The following HECW1 variants were observed in gnomAD, a reference collection of about 807,000 sequenced individuals.
The protein encoded by HECW1 is HECT, C2 and WW domain containing E3 ubiquitin protein ligase 1.
Under a neutral mutation model 182.3 loss-of-function variants are expected in HECW1, and 61 were observed. The observed-to-expected ratio is 0.33, with a 90% confidence interval of 0.27 to 0.41. The LOEUF (loss-of-function observed/expected upper bound fraction) is 0.41. HECW1 is among the 10% of genes least tolerant of loss of function. The probability of loss-of-function intolerance (pLI) is 1.00; values close to 1 mark genes in which losing one functional copy is unlikely to be tolerated. For missense variants in HECW1, 1,739 were observed against 2,108.9 expected (o/e 0.82, Z 3.44); for synonymous variants, 859 against 832.6 (o/e 1.03, Z -0.55).
chr7:43,174,852 T>A (rs1436804025), intron 2 of HECW1, among the ~76,000 whole-genome samples: 1 of 152,204 alleles, frequency 6.6e-6, no homozygotes, highest in Non-Finnish European at 1.5e-5. Context: ...TAGTTGACAT[T>A]TTGCTGTGCC....
intron 5 of HECW1, among the ~76,000 whole-genome samples, chr7:43,357,316 A>C (rs1332334721): frequency 1.3e-5 from 2 of 152,232 alleles, no homozygotes; most frequent in East Asian, 1.9e-4. Flanking sequence ...AAAATATGGA[A>C]TCAATCTAAG....
chr7:43,349,851 G>T (rs988661657), intron 5 of HECW1, among the ~76,000 whole-genome samples: 4 of 152,220 alleles, frequency 2.6e-5, no homozygotes, highest in Non-Finnish European at 5.9e-5. Flanking sequence ...TACATTCAAT[G>T]TAAGTATCGA....
At chr7:43,329,719 G>A (rs537642695) in intron 5 of HECW1, among the ~76,000 whole-genome samples, 2 of 152,242 alleles carry the variant, frequency 1.3e-5, no homozygotes, top group African/African-American at 4.8e-5. Flanking sequence ...CGGACACGGC[G>A]TGCTAAGGAG....
intron 2 of HECW1, among the ~76,000 whole-genome samples, chr7:43,150,452 C>T (rs570545375): frequency 5.9e-5 from 9 of 152,108 alleles, no homozygotes; most frequent in East Asian, 1.9e-4. Flanking sequence ...AATGTCAGCT[C>T]GGTGCAACCT....
At chr7:43,437,131 C>T (rs2076737716) in intron 8 of HECW1, among the ~76,000 whole-genome samples, 1 of 152,198 alleles carries the variant, frequency 6.6e-6, no homozygotes, top group African/African-American at 2.4e-5. Context: ...GGAGCATCCC[C>T]CTCTAGACAT....
chr7:43,340,073 A>C lies in HECW1; in HGVS notation c.460+19331A>C, dbSNP rs116466808. On this transcript the variant is annotated intron_variant, in intron 5 of 29. Transcript: ENST00000395891. ...GGTTACCAGAAACCTCTCATCTAGA[A>C]GTTTTAGTCCTATCTGAGATTCCAC... is the stretch of plus-strand genomic sequence containing the variant. 4.3e-3 allele frequency among the ~76,000 whole-genome samples: 659 copies of C among 152,080 alleles called. 3 individuals are homozygous for C. The highest frequency in any genetic ancestry group is 0.015 in the African/African-American group (623 of 41,470).
intron 5 of HECW1, among the ~76,000 whole-genome samples, chr7:43,328,323 A>AAACAAC (rs1157942481): frequency 6.6e-6 from 1 of 151,864 alleles, no homozygotes; most frequent in Non-Finnish European, 1.5e-5. Flanking sequence ...AACAAAAAAC[A>AAACAAC]AAAAAAACAA....
chr7:43,451,230 A>G (rs2077225386), intron 12 of HECW1, among the ~76,000 whole-genome samples: 1 of 152,224 alleles, frequency 6.6e-6, no homozygotes, highest in African/African-American at 2.4e-5. Flanking sequence ...CAAACTGTTC[A>G]TGACCTTTAA....
At chr7:43,205,309 T>G (rs1795360079) in intron 2 of HECW1, among the ~76,000 whole-genome samples, 1 of 152,136 alleles carries the variant, frequency 6.6e-6, no homozygotes, top group African/African-American at 2.4e-5. Flanking sequence ...GGTCTCAAAC[T>G]CCTGACGTCA....
intron 2 of HECW1, among the ~76,000 whole-genome samples, chr7:43,198,296 C>T (rs552082322): frequency 4.7e-5 from 7 of 149,048 alleles, no homozygotes; most frequent in East Asian, 2.0e-4. Context: ...CACACACATT[C>T]GCACACTCAC....
intron 17 of HECW1, among the ~76,000 whole-genome samples, chr7:43,487,132 A>G (rs1162982002): frequency 1.3e-5 from 2 of 152,216 alleles, no homozygotes; most frequent in African/African-American, 4.8e-5. Flanking sequence ...CTTCCTGTGA[A>G]CTTGCTACAT....
At chr7:43,163,112 A>G (rs1474269297) in intron 2 of HECW1, 2 of 152,252 alleles carry the variant, frequency 1.3e-5, no homozygotes, top group African/African-American at 4.8e-5. Context: ...AGCACACAGC[A>G]CAGACGAGAA....
chr7:43,270,588 C>A (rs573929114), intron 3 of HECW1, among the ~76,000 whole-genome samples: 1 of 152,262 alleles, frequency 6.6e-6, no homozygotes, highest in African/African-American at 2.4e-5. Flanking sequence ...TGTGGAAGGG[C>A]ACTTCATAAT....
intron 2 of HECW1, among the ~76,000 whole-genome samples, chr7:43,228,582 C>A (rs1157553737): frequency 1.3e-5 from 2 of 152,092 alleles, no homozygotes; most frequent in Non-Finnish European, 2.9e-5. Flanking sequence ...TAAATTAGGC[C>A]CTTTTGTAAG....
chr7:43,227,629 A>G (rs1362150215), intron 2 of HECW1, among the ~76,000 whole-genome samples: 1 of 152,056 alleles, frequency 6.6e-6, no homozygotes, highest in African/African-American at 2.4e-5. Flanking sequence ...AATATCCTCT[A>G]TTTTTCTGTT....
chr7:43,201,357 A>C (rs1795000876), intron 2 of HECW1, among the ~76,000 whole-genome samples: 1 of 152,210 alleles, frequency 6.6e-6, no homozygotes, highest in African/African-American at 2.4e-5. Flanking sequence ...GAGACTGTAG[A>C]GGCAGGATGT....
intron 3 of HECW1, among the ~76,000 whole-genome samples, chr7:43,291,654 A>T (rs982960420): frequency 5.3e-5 from 8 of 152,230 alleles, no homozygotes; most frequent in African/African-American, 1.9e-4. Flanking sequence ...ACAACAAAGG[A>T]AACTTTGAAG....
At chr7:43,464,030 C>A (rs1336184109) in intron 14 of HECW1, among the ~76,000 whole-genome samples, 1 of 152,186 alleles carries the variant, frequency 6.6e-6, no homozygotes, top group Non-Finnish European at 1.5e-5. Context: ...AACACCACCA[C>A]CCTGGCATGG....
At chr7:43,415,484 G>A (rs1418158680) in intron 8 of HECW1, among the ~76,000 whole-genome samples, 2 of 151,902 alleles carry the variant, frequency 1.3e-5, no homozygotes, top group East Asian at 3.9e-4. Flanking sequence ...TTTCAACTTT[G>A]GTGAATCTGA....
Sources: gnomAD v4.1 joint callset for allele counts (sites outside exome capture counted in the v4.1 genomes callset) on GRCh38, gnomAD v4.1.1 for gene constraint, MANE v1.5 for transcripts, NCBI Gene and HGNC (gene_info 2026-07-23, HGNC 2026-07-21) for gene names.